The following CEP43 variants were observed in gnomAD, a reference collection of about 807,000 sequenced individuals.
CEP43 encodes the protein centrosomal protein 43.
Under a neutral mutation model 52.6 loss-of-function variants are expected in CEP43, and 36 were observed. The observed-to-expected ratio is 0.68, with a 90% CI of 0.52 to 0.90. The LOEUF is 0.90. Among genes scored for constraint, CEP43 ranks in the 40% least tolerant of loss-of-function variants. CEP43 has a pLI of 0.00. For synonymous variants in CEP43, 192 were observed against 172.4 expected (o/e 1.11, Z -0.89); for missense variants, 506 against 472.8 (o/e 1.07, Z -0.65).
Position 167,040,554 on chromosome 6 carries a change from T to C in CEP43, c.*576T>C. On this transcript the variant is annotated 3_prime_UTR_variant, in exon 13 of 13. Coordinates refer to ENST00000366847, the MANE Select transcript of CEP43 (RefSeq NM_007045.4). ...AAGGTTTGTTAGACCATTAAGGTTA[T>C]ATTAAAGTACTCTTGTGTGTGCTAT... 1.8e-5 allele frequency: 20 copies of C among 1,090,456 alleles called. No homozygotes were observed. The highest frequency in any genetic ancestry group is 2.2e-5 in the Non-Finnish European group (20 of 892,488). 67.5% of individuals were successfully genotyped at this position (1,090,456 alleles called of 1,614,324 possible).
chr6:166,999,429 C>T lies in CEP43; in HGVS notation c.17C>T (p.Ala6Val), dbSNP rs1382585198. Residue 6 changes from alanine (A) to valine (V), a missense_variant, in exon 1 of 13, where the codon GCC (alanine) becomes GTC (valine). Transcript: ENST00000366847. The part of the protein sequence containing the change: MAATA[A>V]AVVAEEDTEL... ...AGAAGCAAGATGGCGGCGACGGCGGCCGCAGTGGTGGCCGAGGAGGACACG... is the reference window on the plus strand; with the variant it reads ...AGAAGCAAGATGGCGGCGACGGCGGTCGCAGTGGTGGCCGAGGAGGACACG... 4.1e-6 allele frequency: 6 copies of T among 1,475,592 alleles called. No individual in the cohort carries two copies. Among genetic ancestry groups the T allele is most frequent in the Admixed American group, 4.8e-5 (2 of 41,362 alleles). 91.4% of individuals were successfully genotyped at this position (1,475,592 alleles called of 1,614,324 possible).
intron 7 of CEP43, 78 bp downstream of exon 7, chr6:167,013,645 G>A (rs903641712): frequency 4.3e-6 from 5 of 1,157,302 alleles, no homozygotes; most frequent in Admixed American, 2.0e-5. Context: ...GGAGCGCTGG[G>A]CTCCTGTCAG....
chr6:167,017,030 C>T (rs1041508646), intron 7 of CEP43, among the ~76,000 whole-genome samples: 18 of 149,636 alleles, frequency 1.2e-4, no homozygotes, highest in African/African-American at 3.7e-4. Context: ...GAGTCTCTCT[C>T]TGTCGCCCAG....
At chr6:167,002,072 A>G (rs952288892) in intron 2 of CEP43, among the ~76,000 whole-genome samples, 2 of 152,182 alleles carry the variant, frequency 1.3e-5, no homozygotes, top group Admixed American at 6.5e-5. Flanking sequence ...AAAGTATTTA[A>G]TATGTACAAT....
At chr6:167,012,250 A>C (rs1311679414) in intron 6 of CEP43, among the ~76,000 whole-genome samples, 1 of 152,186 alleles carries the variant, frequency 6.6e-6, no homozygotes. Context: ...TTATTGTTTA[A>C]GTTTGGAAAA....
rs1394812008 is a variant in CEP43 at position 167,046,306 on chromosome 6, AAGAG to A, written c.*6329_*6332del. ...ATATCCATCACACTAGAAAGAAAGA[AAGAG>A]GAAGGAAGGAAGGGAGGGAGGGAGA... is the stretch of plus-strand genomic sequence containing the variant. On this transcript the variant is annotated 3_prime_UTR_variant, in exon 13 of 13. Transcript: ENST00000366847. The A allele has an allele frequency of 2.0e-5, 3 of 152,246 alleles. No individual in the cohort carries two copies. Among genetic ancestry groups the A allele is most frequent in the Admixed American group, 6.5e-5 (1 of 15,298 alleles). 9.4% of individuals were successfully genotyped at this position (152,246 alleles called of 1,614,324 possible).
intron 5 of CEP43, among the ~76,000 whole-genome samples, chr6:167,005,887 C>T (rs1779840253): frequency 1.3e-5 from 2 of 152,118 alleles, no homozygotes; most frequent in Non-Finnish European, 2.9e-5. Context: ...AGTAGTTGTG[C>T]TTTGGCTCAC....
chr6:167,042,205 G>A lies in CEP43; in HGVS notation c.*2227G>A. The A allele has an allele frequency of 1.0e-6, 1 of 1,004,902 alleles. No homozygotes were observed. Among genetic ancestry groups the A allele is most frequent in the South Asian group, 4.7e-5 (1 of 21,384 alleles). The allele number at this position is 1,004,902 out of a possible 1,614,324, so 62.2% of individuals were successfully genotyped here. A position where few individuals can be genotyped will look rare whatever the true frequency, so the allele number is the denominator to read the frequency against. The stretch of plus-strand genomic sequence containing the variant: ...CTTTTCACATGTACTTTTTGATTAG[G>A]TATTATCAACTTATGAAACTTGAAG... On this transcript the variant is annotated 3_prime_UTR_variant, in exon 13 of 13. Transcript: ENST00000366847.
At chr6:167,022,310 C>A (rs3833941) in intron 7 of CEP43, 99 bp from the exon 8 acceptor site, 185 of 743,604 alleles carry the variant, frequency 2.5e-4, no homozygotes, top group Middle Eastern at 5.6e-4. Flanking sequence ...GTTGCACACA[C>A]ACAGGTTTGA....
At chr6:167,021,031 A>G (rs1435800716) in intron 7 of CEP43, among the ~76,000 whole-genome samples, 1 of 151,232 alleles carries the variant, frequency 6.6e-6, no homozygotes, top group African/African-American at 2.4e-5. Flanking sequence ...GAGTTTTAAG[A>G]CCAGCCTGGA....
At chr6:167,005,665 A>G (rs1346304124) in intron 5 of CEP43, among the ~76,000 whole-genome samples, 2 of 152,126 alleles carry the variant, frequency 1.3e-5, no homozygotes, top group Non-Finnish European at 2.9e-5. Context: ...TCCTTCATTT[A>G]TCAATATCCA....
At chr6:167,002,660 G>A (rs1436107289) in intron 2 of CEP43, among the ~76,000 whole-genome samples, 1 of 152,216 alleles carries the variant, frequency 6.6e-6, no homozygotes, top group African/African-American at 2.4e-5. Flanking sequence ...GCTACCTACT[G>A]TAGCCTCTTC....
chr6:167,033,099 CTTTTTTTTTTTTTTTTTTTT>C (rs71032896), intron 11 of CEP43, among the ~76,000 whole-genome samples: 2 of 68,298 alleles, frequency 2.9e-5, no homozygotes, highest in South Asian at 8.5e-4. Context: ...TTGCCATTCT[CTTTTTTTTTTTTTTTTTTTT>C]TTTTTTTTTG....
chr6:167,015,606 G>A (rs1780077304), intron 7 of CEP43, among the ~76,000 whole-genome samples: 1 of 152,180 alleles, frequency 6.6e-6, no homozygotes, highest in Non-Finnish European at 1.5e-5. Context: ...GATGCAGGAG[G>A]GCCTAGGGTA....
chr6:167,021,706 A>G (rs953901717), intron 7 of CEP43, among the ~76,000 whole-genome samples: 10 of 151,818 alleles, frequency 6.6e-5, no homozygotes, highest in Non-Finnish European at 1.2e-4. Context: ...GTTAATATAC[A>G]TAGAGAAATA....
chr6:167,016,990 A>ATTTTTTTT (rs60484474), intron 7 of CEP43, among the ~76,000 whole-genome samples: 2 of 148,664 alleles, frequency 1.3e-5, no homozygotes, highest in African/African-American at 2.5e-5. Flanking sequence ...TTATTTATTT[A>ATTTTTTTT]TTTTTTTTTT....
intron 12 of CEP43, among the ~76,000 whole-genome samples, chr6:167,034,180 C>CT (rs1456867046): frequency 1.3e-5 from 2 of 152,164 alleles, no homozygotes; most frequent in Non-Finnish European, 2.9e-5. Flanking sequence ...GTATGCAAGT[C>CT]TCGCTGCTGA....
At chr6:167,020,908 CAAAAAAAAAAAA>C (rs147460349) in intron 7 of CEP43, among the ~76,000 whole-genome samples, 1 of 79,052 alleles carries the variant, frequency 1.3e-5, no homozygotes, top group African/African-American at 5.2e-5. Flanking sequence ...GACTCTGTCT[CAAAAAAAAAAAA>C]AAAAAAAAAA....
rs1044374243 is a variant in CEP43 at position 167,013,640 on chromosome 6, G to T, written c.579+73G>T. On this transcript the variant is annotated intron_variant, in intron 7 of 12. Coordinates refer to ENST00000366847, the MANE Select transcript of CEP43 (RefSeq NM_007045.4). ...TCTCGACTCTGGGGCCTCCTGGAGCGCTGGGCTCCTGTCAGATTGGGTTCT... is the reference window on the plus strand; with the variant it reads ...TCTCGACTCTGGGGCCTCCTGGAGCTCTGGGCTCCTGTCAGATTGGGTTCT... The T allele has an allele frequency of 7.5e-6, 9 of 1,205,816 alleles. No individual in the cohort carries two copies. In the Admixed American group the frequency reaches 1.5e-4, roughly 20 times the overall value. 74.7% of individuals were successfully genotyped at this position (1,205,816 alleles called of 1,614,324 possible).
Sources: allele counts gnomAD v4.1 joint callset (sites outside exome capture counted in the v4.1 genomes callset), GRCh38; gene constraint gnomAD v4.1.1; transcripts MANE v1.5; gene names NCBI Gene and HGNC (gene_info 2026-07-23, HGNC 2026-07-21).